Variants in SESTD1 observed in about 807,000 individuals in gnomAD.
SESTD1 encodes SEC14 domain and spectrin repeat-containing protein 1.
SESTD1 carries 43 observed loss-of-function variants against 101.7 expected under a neutral mutation model. That is an observed-to-expected ratio of 0.42 (90% CI 0.33 to 0.55). SESTD1 has a LOEUF of 0.55. Ranked by LOEUF, SESTD1 falls within the 20% of genes least tolerant of loss-of-function variation. SESTD1 has a pLI of 0.07. For missense variants in SESTD1, 647 were observed against 815.1 expected (o/e 0.79, Z 2.51); for synonymous variants, 283 against 286.8 (o/e 0.99, Z 0.13).
chr2:179,156,361 T>G (rs958506504), intron 5 of SESTD1, among the ~76,000 whole-genome samples: 31 of 152,326 alleles, frequency 2.0e-4, no homozygotes, highest in Middle Eastern at 3.4e-3. Context: ...GTAGTGGGAC[T>G]GCTGGATCAA....
intron 3 of SESTD1, among the ~76,000 whole-genome samples, chr2:179,176,746 A>C (rs2046019198): frequency 6.6e-6 from 1 of 152,208 alleles, no homozygotes; most frequent in African/African-American, 2.4e-5. Flanking sequence ...AAATGTTCAC[A>C]ATTTACAAAC....
Position 179,109,504 on chromosome 2 carries a change from C to T in SESTD1, c.*395G>A, listed in dbSNP as rs2044460247. On this transcript the variant is annotated 3_prime_UTR_variant, in exon 18 of 18. Transcript: ENST00000428443. Reference sequence around the variant, plus strand: ...CCACTGTCTACTAACAAGAGTTTAACTACTGTCTAAATTTACTAAATCACC... The same window carrying T: ...CCACTGTCTACTAACAAGAGTTTAATTACTGTCTAAATTTACTAAATCACC... The T allele has an allele frequency of 2.6e-6, 1 of 387,360 alleles. No homozygotes were observed. The highest frequency in any genetic ancestry group is 4.6e-6 in the Non-Finnish European group (1 of 218,960). 24.0% of individuals were successfully genotyped at this position (387,360 alleles called of 1,614,324 possible).
At chr2:179,156,973 T>A (rs1294691227) in intron 5 of SESTD1, among the ~76,000 whole-genome samples, 1 of 152,216 alleles carries the variant, frequency 6.6e-6, no homozygotes, top group African/African-American at 2.4e-5. Flanking sequence ...TTTAAGTCCT[T>A]AATCCATCTT....
At chr2:179,137,837 C>A (rs1169876847) in intron 9 of SESTD1, among the ~76,000 whole-genome samples, 1 of 152,132 alleles carries the variant, frequency 6.6e-6, no homozygotes, top group Non-Finnish European at 1.5e-5. Flanking sequence ...ACTGATTTAA[C>A]AGAGATACTC....
intron 1 of SESTD1, among the ~76,000 whole-genome samples, chr2:179,222,212 C>T (rs533163334): frequency 6.6e-6 from 1 of 152,282 alleles, no homozygotes; most frequent in East Asian, 1.9e-4. Flanking sequence ...AAGAGTTGTT[C>T]TCCCTGAAAT....
chr2:179,192,611 T>C (rs758194206), intron 1 of SESTD1, among the ~76,000 whole-genome samples: 2 of 152,188 alleles, frequency 1.3e-5, no homozygotes, highest in African/African-American at 2.4e-5. Flanking sequence ...CCAGGGGTTA[T>C]AGCTAAATAC....
chr2:179,114,176 C>G (rs2044576272), intron 16 of SESTD1, among the ~76,000 whole-genome samples: 1 of 152,184 alleles, frequency 6.6e-6, no homozygotes, highest in Admixed American at 6.5e-5. Context: ...CACTTATCAT[C>G]ATTAGGCCCA....
chr2:179,162,123 T>C (rs2045747558), intron 5 of SESTD1, among the ~76,000 whole-genome samples: 1 of 152,172 alleles, frequency 6.6e-6, no homozygotes, highest in Admixed American at 6.5e-5. Context: ...TATTTGAAAT[T>C]GTTTAATAGA....
intron 1 of SESTD1, among the ~76,000 whole-genome samples, chr2:179,199,489 A>G (rs1006426288): frequency 2.6e-5 from 4 of 152,236 alleles, no homozygotes; most frequent in Admixed American, 6.5e-5. Context: ...AAAGCCAGGC[A>G]GAGACAAAAT....
At chr2:179,138,736 T>A (rs544296921) in intron 9 of SESTD1, among the ~76,000 whole-genome samples, 44 of 152,032 alleles carry the variant, frequency 2.9e-4, no homozygotes, top group African/African-American at 8.9e-4. Context: ...CTGGGCATGG[T>A]GGCATGTGTC....
chr2:179,158,973 T>C (rs2045681431), intron 5 of SESTD1, among the ~76,000 whole-genome samples: 1 of 152,160 alleles, frequency 6.6e-6, no homozygotes, highest in Non-Finnish European at 1.5e-5. Context: ...ACTGCAATAA[T>C]CTCATTTTTG....
chr2:179,173,289 C>T (rs1025836622), intron 4 of SESTD1, among the ~76,000 whole-genome samples: 11 of 152,160 alleles, frequency 7.2e-5, no homozygotes, highest in African/African-American at 2.7e-4. Context: ...GTCTCTTTCA[C>T]TGCTGTATTT....
At position 179,202,155 on chromosome 2, in the gene SESTD1, C is replaced by T. The variant is rs138248007; in HGVS notation, c.-25-10289G>A. Among the ~76,000 whole-genome samples, 10 of 133,066 alleles carry T rather than the reference C, an allele frequency of 7.5e-5. No individual in the cohort carries two copies. In the East Asian group the frequency reaches 1.4e-3, roughly 19 times the overall value. The allele number at this position is 133,066 out of a possible 152,430, so 87.3% of individuals were successfully genotyped here. On this transcript the variant is annotated intron_variant, in intron 1 of 17. Coordinates refer to ENST00000428443, the MANE Select transcript of SESTD1 (RefSeq NM_178123.5). Reference sequence around the variant, plus strand: ...CCCATGTTAAAACAAGGTTTTCTTACGGTATTAATCTGTTCTTAATAAAAC... The same window carrying T: ...CCCATGTTAAAACAAGGTTTTCTTATGGTATTAATCTGTTCTTAATAAAAC...
At chr2:179,145,953 A>G (rs781301505) in intron 8 of SESTD1, among the ~76,000 whole-genome samples, 4 of 152,012 alleles carry the variant, frequency 2.6e-5, no homozygotes, top group Non-Finnish European at 5.9e-5. Flanking sequence ...TTAAATCCAA[A>G]TTAAGAGAGA....
In SESTD1 at chr2:179,106,978, A is replaced by C. The variant is rs1301005421; in HGVS notation, c.*2921T>G. On this transcript the variant is annotated 3_prime_UTR_variant, in exon 18 of 18. Transcript: ENST00000428443. ...TCAAACAAACAAAAAAACCCAAAAAAACCAAAACAAAATGAAACTAACCCT... is the reference window on the plus strand; with the variant it reads ...TCAAACAAACAAAAAAACCCAAAAACACCAAAACAAAATGAAACTAACCCT... The C allele has an allele frequency of 6.6e-6, 1 of 152,156 alleles. No individual in the cohort carries two copies. Among genetic ancestry groups the C allele is most frequent in the Non-Finnish European group, 1.5e-5 (1 of 68,036 alleles). The allele number at this position is 152,156 out of a possible 1,614,324, so 9.4% of individuals were successfully genotyped here.
chr2:179,117,723 A>G (rs1266465159), intron 13 of SESTD1, 110 bp from the exon 14 acceptor site: 3 of 762,978 alleles, frequency 3.9e-6, no homozygotes, highest in African/African-American at 1.8e-5. Flanking sequence ...ACTTAGTCCT[A>G]AACAATGGAG....
rs934580656 is a variant in SESTD1, at chr2:179,103,666, CTATT to C, written c.*6229_*6232del. 2.1e-4 allele frequency: 32 copies of C among 151,988 alleles called. No homozygotes were observed. Among genetic ancestry groups the C allele is most frequent in the African/African-American group, 7.3e-4 (30 of 41,372 alleles). The allele number at this position is 151,988 out of a possible 1,614,324, so 9.4% of individuals were successfully genotyped here. A position where few individuals can be genotyped will look rare whatever the true frequency, so the allele number is the denominator to read the frequency against. ...AGAAAAGCGTACATGTTGCGTGACT[CTATT>C]TATATAAAGTTTTAGAACAGAAAAA... On this transcript the variant is annotated 3_prime_UTR_variant, in exon 18 of 18. Transcript: ENST00000428443.
chr2:179,157,077 G>A lies in SESTD1; in HGVS notation c.370-5686C>T, dbSNP rs183173912. Among the ~76,000 whole-genome samples the A allele has an allele frequency of 3.3e-5, 5 of 152,184 alleles. No individual in the cohort carries two copies. In the East Asian group the frequency reaches 7.7e-4, roughly 24 times the overall value. On this transcript the variant is annotated intron_variant, in intron 5 of 17. Coordinates refer to ENST00000428443, the MANE Select transcript of SESTD1 (RefSeq NM_178123.5). ...ATCCCAGCACCATTTGTTGAAAAGG[G>A]TGTCCTTTCCCCACTTTATGTTTTT...
rs1033752967 is a variant in SESTD1 at position 179,203,253 on chromosome 2, T to C, written c.-25-11387A>G. 4.4e-5 allele frequency among the ~76,000 whole-genome samples: 6 copies of C among 134,894 alleles called. 1 individual carries two copies. Among genetic ancestry groups the C allele is most frequent in the Non-Finnish European group, 8.0e-5 (5 of 62,820 alleles). The allele number at this position is 134,894 out of a possible 152,430, so 88.5% of individuals were successfully genotyped here. ...AACCCTTTCTCTGCTGTGCTGCCCATTGCAACCTTGCAGCATATTTTTATA... is the reference window on the plus strand; with the variant it reads ...AACCCTTTCTCTGCTGTGCTGCCCACTGCAACCTTGCAGCATATTTTTATA... On this transcript the variant is annotated intron_variant, in intron 1 of 17. Coordinates refer to ENST00000428443, the MANE Select transcript of SESTD1 (RefSeq NM_178123.5).
Sources: gnomAD v4.1 joint callset for allele counts (sites outside exome capture counted in the v4.1 genomes callset) on GRCh38, gnomAD v4.1.1 for gene constraint, MANE v1.5 for transcripts, NCBI Gene and HGNC (gene_info 2026-07-23, HGNC 2026-07-21) for gene names.